Variants in PRKACB observed in about 807,000 individuals in gnomAD.
The protein encoded by PRKACB is cAMP-dependent protein kinase catalytic subunit beta.
PRKACB carries 16 observed loss-of-function variants against 51.4 expected under a neutral mutation model. The observed-to-expected ratio is 0.31, with a 90% confidence interval of 0.21 to 0.47. The LOEUF (loss-of-function observed/expected upper bound fraction) is 0.47, where lower values mean the gene tolerates loss of function less well. PRKACB is among the 20% of genes least tolerant of loss of function. PRKACB has a pLI of 1.00. For synonymous variants in PRKACB, 147 were observed against 154.4 expected, an observed-to-expected ratio of 0.95 and a Z score of 0.35; for missense variants, 309 against 464.5, an observed-to-expected ratio of 0.67 and a Z score of 3.08.
chr1:84,218,925 CA>C (rs1369993492), intron 9 of PRKACB, among the ~76,000 whole-genome samples: 14 of 152,098 alleles, frequency 9.2e-5, no homozygotes, highest in Admixed American at 9.2e-4. Context: ...ACCTGTTGGC[CA>C]TTGTAAATCT....
chr1:84,159,224 TTG>T (rs1655889019), intron 1 of PRKACB, among the ~76,000 whole-genome samples: 1 of 152,128 alleles, frequency 6.6e-6, no homozygotes, highest in African/African-American at 2.4e-5. Context: ...ATAGATTAAC[TTG>T]TAGAGAATTG....
At chr1:84,157,732 T>C (rs997307923) in intron 1 of PRKACB, among the ~76,000 whole-genome samples, 1 of 152,198 alleles carries the variant, frequency 6.6e-6, no homozygotes, top group African/African-American at 2.4e-5. Flanking sequence ...TATTAATAAT[T>C]GGTTCCGATT....
intron 1 of PRKACB, among the ~76,000 whole-genome samples, chr1:84,126,872 G>C (rs1651664875): frequency 6.6e-6 from 1 of 152,124 alleles, no homozygotes; most frequent in African/African-American, 2.4e-5. Flanking sequence ...TATGAAATCT[G>C]TCTGTTTTTC....
chr1:84,161,032 G>A (rs1043807202), intron 1 of PRKACB, among the ~76,000 whole-genome samples: 3 of 151,678 alleles, frequency 2.0e-5, no homozygotes, highest in African/African-American at 7.3e-5. Context: ...CCAATTTCCT[G>A]TCTAGTTTTT....
chr1:84,192,640 A>G (rs1177077672), intron 5 of PRKACB, among the ~76,000 whole-genome samples: 2 of 152,166 alleles, frequency 1.3e-5, no homozygotes, highest in East Asian at 3.8e-4. Flanking sequence ...GCTTTGAGAC[A>G]GTATTTTGTA....
At chr1:84,210,083 C>CT (rs1196726148) in intron 8 of PRKACB, among the ~76,000 whole-genome samples, 7 of 152,192 alleles carry the variant, frequency 4.6e-5, no homozygotes, top group African/African-American at 1.7e-4. Context: ...GGATTCAAAA[C>CT]TTTTTTTAAG....
exon 1 of PRKACB, chr1:84,078,229 C>G: frequency 1.4e-6 from 2 of 1,396,942 alleles, no homozygotes; most frequent in Admixed American, 2.1e-5. Flanking sequence ...ACCGCTCTGA[C>G]GGGTGCAGAC....
chr1:84,235,130 C>G, intron 9 of PRKACB, 50 bp from the exon 10 acceptor site: 3 of 1,560,440 alleles, frequency 1.9e-6, no homozygotes, highest in Non-Finnish European at 2.6e-6. Flanking sequence ...TGGAAACTCT[C>G]AGGAATTTTT....
intron 1 of PRKACB, among the ~76,000 whole-genome samples, chr1:84,125,977 C>T (rs935796929): frequency 6.1e-5 from 9 of 146,476 alleles, no homozygotes; most frequent in Admixed American, 5.7e-4. Context: ...CATCCCCTCA[C>T]GGGACGGGGA....
intron 1 of PRKACB, among the ~76,000 whole-genome samples, chr1:84,132,431 G>A: frequency 6.6e-6 from 1 of 152,024 alleles, no homozygotes; most frequent in East Asian, 1.9e-4. Context: ...CACATCATAT[G>A]TTTACCTTTG....
At chr1:84,130,313 C>T (rs550451094) in intron 1 of PRKACB, among the ~76,000 whole-genome samples, 1 of 151,808 alleles carries the variant, frequency 6.6e-6, no homozygotes, top group South Asian at 2.1e-4. Flanking sequence ...TTTTCTGGTC[C>T]TGCTTTGAGA....
intron 9 of PRKACB, among the ~76,000 whole-genome samples, chr1:84,220,606 A>G (rs1673555821): frequency 6.6e-6 from 1 of 152,088 alleles, no homozygotes. Flanking sequence ...ATGTTGAGTA[A>G]TGCCTCTTCT....
chr1:84,220,081 A>G (rs912826780), intron 9 of PRKACB, among the ~76,000 whole-genome samples: 8 of 152,094 alleles, frequency 5.3e-5, no homozygotes, highest in African/African-American at 1.9e-4. Context: ...ATTCATGACC[A>G]TGACCATGGG....
chr1:84,149,408 T>C (rs1393821837), intron 1 of PRKACB, among the ~76,000 whole-genome samples: 4 of 152,028 alleles, frequency 2.6e-5, no homozygotes, highest in Admixed American at 1.3e-4. Flanking sequence ...TATAGGCATG[T>C]GCCACCATAC....
chr1:84,205,007 G>A (rs1248246583), intron 8 of PRKACB: 1 of 983,344 alleles, frequency 1.0e-6, no homozygotes, highest in East Asian at 1.1e-4. Flanking sequence ...CTAAATCCTG[G>A]GCACCTTAGA....
At chr1:84,234,368 T>C (rs890410346) in intron 9 of PRKACB, among the ~76,000 whole-genome samples, 1 of 152,204 alleles carries the variant, frequency 6.6e-6, no homozygotes, top group African/African-American at 2.4e-5. Context: ...TGTCTTTTTG[T>C]TTGTCTGTGC....
At chr1:84,183,938 G>C in intron 3 of PRKACB, 99 bp from the exon 4 acceptor site, 3 of 1,213,654 alleles carry the variant, frequency 2.5e-6, no homozygotes, top group Non-Finnish European at 3.3e-6. Context: ...TAACAATTTT[G>C]CTTATCCAAG....
At chr1:84,116,295 T>C (rs1395458261) in intron 1 of PRKACB, among the ~76,000 whole-genome samples, 2 of 152,198 alleles carry the variant, frequency 1.3e-5, no homozygotes, top group African/African-American at 4.8e-5. Flanking sequence ...CCAGCTTCGT[T>C]CTTTTTGCTC....
intron 9 of PRKACB, among the ~76,000 whole-genome samples, chr1:84,229,561 G>T (rs1256927254): frequency 1.3e-5 from 2 of 149,414 alleles, no homozygotes; most frequent in East Asian, 4.0e-4. Context: ...GTGTAAAAGT[G>T]TTCCTATTTC....
Sources: gnomAD v4.1 joint callset for allele counts (sites outside exome capture counted in the v4.1 genomes callset) on GRCh38, gnomAD v4.1.1 for gene constraint, MANE v1.5 for transcripts, NCBI Gene and HGNC (gene_info 2026-07-23, HGNC 2026-07-21) for gene names.